IQSEC1: variants seen among roughly 807,000 people sequenced by gnomAD.
The protein encoded by IQSEC1 is IQ motif and Sec7 domain ArfGEF 1.
A neutral mutation model predicts 91.0 loss-of-function variants in IQSEC1; 31 were observed. The ratio of observed to expected loss-of-function variants is 0.34; its 90% confidence interval spans 0.26 to 0.46. The LOEUF is 0.46. Among genes scored for constraint, IQSEC1 ranks in the 20% least tolerant of loss-of-function variants. IQSEC1 has a pLI of 1.00. For missense variants in IQSEC1, 1,388 were observed against 1,575.6 expected (o/e 0.88, Z 2.02); for synonymous variants, 699 against 662.6 (o/e 1.05, Z -0.84).
intron 1 of IQSEC1, among the ~76,000 whole-genome samples, chr3:13,170,970 A>C (rs112310581): frequency 0.089 from 13,511 of 151,986 alleles, 877 homozygotes; most frequent in African/African-American, 0.18. Flanking sequence ...CATGATGGTG[A>C]GTGCCTGTAA....
chr3:13,228,343 T>C (rs776849479), intron 1 of IQSEC1, among the ~76,000 whole-genome samples: 2 of 152,102 alleles, frequency 1.3e-5, no homozygotes, highest in Admixed American at 1.3e-4. Context: ...AGCGCACACG[T>C]GGGGCTTCGT....
chr3:13,197,347 G>A (rs1164636844), intron 1 of IQSEC1, among the ~76,000 whole-genome samples: 1 of 152,328 alleles, frequency 6.6e-6, no homozygotes, highest in East Asian at 1.9e-4. Flanking sequence ...GGGCGCTGGA[G>A]GGTGGGGTGC....
intron 1 of IQSEC1, among the ~76,000 whole-genome samples, chr3:13,232,199 G>A (rs898472301): frequency 2.0e-5 from 3 of 152,318 alleles, no homozygotes; most frequent in Non-Finnish European, 2.9e-5. Context: ...TATCCTAGAT[G>A]GGTTGTTCTG....
At position 13,038,248 on chromosome 3, in the gene IQSEC1, ATG is replaced by A. The variant is rs57707910; in HGVS notation, c.23+34742_23+34743del. Among the ~76,000 whole-genome samples, 326 of 116,322 alleles carry A rather than the reference ATG, an allele frequency of 2.8e-3. 2 individuals carry two copies. Among genetic ancestry groups the A allele is most frequent in the African/African-American group, 6.0e-3 (194 of 32,248 alleles). The allele number at this position is 116,322 out of a possible 152,430, so 76.3% of individuals were successfully genotyped here. On this transcript the variant is annotated intron_variant, in intron 1 of 13. Coordinates refer to ENST00000613206, the MANE Select transcript of IQSEC1 (RefSeq NM_001134382.3). ...GATATATAAATATACAAGTATATAT[ATG>A]TGTGTGTGTGTGTATATATATATAT...
At chr3:13,253,290 T>C (rs1168168142) in intron 1 of IQSEC1, among the ~76,000 whole-genome samples, 2 of 152,164 alleles carry the variant, frequency 1.3e-5, no homozygotes, top group African/African-American at 4.8e-5. Flanking sequence ...GCTAATACCA[T>C]GAGTGGCAGA....
At chr3:13,208,753 AC>A (rs1456435816) in intron 1 of IQSEC1, among the ~76,000 whole-genome samples, 1 of 146,064 alleles carries the variant, frequency 6.8e-6, no homozygotes, top group African/African-American at 2.6e-5. Flanking sequence ...CCCAACTCCG[AC>A]CCCCTTCATG....
At position 12,924,493 on chromosome 3, in the gene IQSEC1, C is replaced by T; in HGVS notation, c.1730+88G>A. 7.3e-7 allele frequency: 1 copy of T among 1,375,714 alleles called. No individual in the cohort carries two copies. The highest frequency in any genetic ancestry group is 2.6e-5 in the East Asian group (1 of 37,968). 85.2% of individuals were successfully genotyped at this position (1,375,714 alleles called of 1,614,324 possible). ...CACATGTCCCAGCAAGTAGGGTGGG[C>T]CTGGCCCTGTGTGTGCCCACGGGTA... On this transcript the variant is annotated intron_variant, in intron 4 of 13. Coordinates refer to ENST00000613206, the MANE Select transcript of IQSEC1 (RefSeq NM_001134382.3). The surrounding 1 kb of genome is among the most constrained non-coding windows in gnomAD (Gnocchi z 6.3).
intron 1 of IQSEC1, among the ~76,000 whole-genome samples, chr3:12,988,406 C>T (rs773884765): frequency 4.0e-5 from 6 of 151,804 alleles, no homozygotes; most frequent in Non-Finnish European, 7.4e-5. Flanking sequence ...CAGAGCGAGG[C>T]TCTATCTCAA....
At chr3:13,090,341 T>C (rs1283815551) in intron 2 of IQSEC1, among the ~76,000 whole-genome samples, 1 of 152,246 alleles carries the variant, frequency 6.6e-6, no homozygotes, top group Non-Finnish European at 1.5e-5. Context: ...GTCTGTTTTA[T>C]TCACTATACT....
chr3:12,905,095 G>A (rs892282), intron 12 of IQSEC1, among the ~76,000 whole-genome samples: 2,633 of 152,330 alleles, frequency 0.017, 47 homozygotes, highest in African/African-American at 0.052. Context: ...ACAGCCAGCC[G>A]TGCAGATATC....
chr3:13,178,714 G>A (rs1693782307), intron 1 of IQSEC1, among the ~76,000 whole-genome samples: 1 of 152,128 alleles, frequency 6.6e-6, no homozygotes, highest in Admixed American at 6.5e-5. Context: ...TCCAAATACT[G>A]GAAAAAGTAA....
chr3:12,932,479 C>T (rs778661630), intron 3 of IQSEC1, among the ~76,000 whole-genome samples: 9 of 152,188 alleles, frequency 5.9e-5, no homozygotes, highest in Non-Finnish European at 1.0e-4. Flanking sequence ...TGCGTTAGCG[C>T]GTGACAGGCC....
In IQSEC1 at chr3:12,936,211, T is replaced by A; in HGVS notation, c.805A>T (p.Thr269Ser). The A allele has an allele frequency of 6.2e-7, 1 of 1,613,058 alleles. No homozygotes were observed. ...AARARDTEPQ[T>S]ALHGMDHRKL... ...CGGTGGTCCATGCCGTGCAGGGCTG[T>A]CTGGGGTTCGGTGTCCCGGGCCCGC... The change falls in exon 3 of 14, where the codon ACA (threonine) becomes TCA (serine). Residue 269 changes from threonine to serine, a missense_variant. By Grantham distance (58) the Thr-to-Ser change is moderately conservative. Transcript: ENST00000613206.
At chr3:12,934,013 G>C (rs1697940233) in intron 3 of IQSEC1, among the ~76,000 whole-genome samples, 1 of 152,216 alleles carries the variant, frequency 6.6e-6, no homozygotes, top group Non-Finnish European at 1.5e-5. Flanking sequence ...CTCCCCTCTA[G>C]GGCACATGGG....
intron 1 of IQSEC1, among the ~76,000 whole-genome samples, chr3:13,053,382 C>T (rs757568364): frequency 2.6e-5 from 4 of 152,236 alleles, no homozygotes; most frequent in Non-Finnish European, 4.4e-5. Context: ...AGAACCCATT[C>T]GCTGCTGTAA....
chr3:13,217,960 G>A (rs1694581457), intron 1 of IQSEC1, among the ~76,000 whole-genome samples: 1 of 152,118 alleles, frequency 6.6e-6, no homozygotes, highest in Admixed American at 6.5e-5. Context: ...GGAAAGACCT[G>A]GGATGTAATG....
chr3:13,133,544 C>G (rs1343677401), intron 2 of IQSEC1, among the ~76,000 whole-genome samples: 1 of 152,242 alleles, frequency 6.6e-6, no homozygotes, highest in Admixed American at 6.5e-5. Flanking sequence ...CAGCAGGCGC[C>G]CTTGCCAGGC....
intron 9 of IQSEC1, 110 bp downstream of exon 9, chr3:12,913,318 C>A (rs1374057382): frequency 4.8e-6 from 6 of 1,237,630 alleles, no homozygotes; most frequent in Non-Finnish European, 6.7e-6. Flanking sequence ...CAAACCCTCC[C>A]TTTTGCACCC....
chr3:13,187,337 A>G (rs956906793), intron 1 of IQSEC1, among the ~76,000 whole-genome samples: 6 of 152,322 alleles, frequency 3.9e-5, no homozygotes, highest in Admixed American at 6.5e-5. Flanking sequence ...GCCACAAAGG[A>G]GGGGTTGGCA....
Sources: gnomAD v4.1 joint callset for allele counts (sites outside exome capture counted in the v4.1 genomes callset) on GRCh38, gnomAD v4.1.1 for gene constraint, Gnocchi (gnomAD v3.1) non-coding constraint, MANE v1.5 for transcripts, NCBI Gene and HGNC (gene_info 2026-07-23, HGNC 2026-07-21) for gene names.